DHRSX: variants seen among roughly 807,000 people sequenced by gnomAD.
DHRSX encodes dehydrogenase/reductase X-linked.
Under a neutral mutation model 34.0 loss-of-function variants are expected in DHRSX, and 31 were observed. That is an observed-to-expected ratio of 0.91 (90% CI 0.69 to 1.23). The LOEUF (loss-of-function observed/expected upper bound fraction) is 1.23. Ranked by LOEUF, DHRSX falls within the 50% of genes most tolerant of loss-of-function variation. The pLI is 0.00. For synonymous variants in DHRSX, 201 were observed against 183.8 expected (o/e 1.09, Z -0.76); for missense variants, 414 against 428.1 (o/e 0.97, Z 0.29).
intron 5 of DHRSX, among the ~76,000 whole-genome samples, chrX:2,265,579 C>T (rs1189530327): frequency 7.3e-6 from 1 of 137,360 alleles, no homozygotes; most frequent in East Asian, 2.3e-4. Context: ...GCAGGGAGCA[C>T]TGTCCCCAGA....
chrX:2,396,027 C>T (rs985175031), intron 3 of DHRSX, among the ~76,000 whole-genome samples: 4 of 152,078 alleles, frequency 2.6e-5, no homozygotes, highest in Admixed American at 1.3e-4. Flanking sequence ...ATGCTCCCTC[C>T]GGGGGCTCTC....
In DHRSX at chrX:2,454,488, T is replaced by C. The variant is rs1478652240; in HGVS notation, c.110-29184A>G. Among the ~76,000 whole-genome samples the C allele has an allele frequency of 3.3e-5, 5 of 150,756 alleles. No individual in the cohort carries two copies. The East Asian group carries it at 7.7e-4, about 23-fold the overall frequency. On this transcript the variant is annotated intron_variant, in intron 1 of 6. Transcript: ENST00000334651. ...GCTGCAGTGAGCCGAGATTGAGCTA[T>C]TGCACTCCGGCCTGGGCAACAAGAG...
At chrX:2,307,790 A>T (rs956625534) in intron 3 of DHRSX, among the ~76,000 whole-genome samples, 7 of 134,864 alleles carry the variant, frequency 5.2e-5, no homozygotes, top group Admixed American at 1.4e-4. Context: ...TAATAAAAAT[A>T]AAAAAAATAA....
chrX:2,247,802 G>A (rs2016334058), intron 5 of DHRSX, among the ~76,000 whole-genome samples: 1 of 151,774 alleles, frequency 6.6e-6, no homozygotes, highest in Non-Finnish European at 1.5e-5. Flanking sequence ...AGCAGCATCA[G>A]AAGCAAACCT....
At position 2,247,137 on chromosome X, in the gene DHRSX, C is replaced by T. The variant is rs186094274; in HGVS notation, c.597-3907G>A. ...ATAATTTTTGCATTTTTAGTAGAGA[C>T]GGGGTTTCATCAGGTTAGCCAGGCT... On this transcript the variant is annotated intron_variant, in intron 5 of 6. Coordinates refer to ENST00000334651, the MANE Select transcript of DHRSX (RefSeq NM_145177.3). Among the ~76,000 whole-genome samples, 30 of 152,016 alleles carry T rather than the reference C, an allele frequency of 2.0e-4. No homozygotes were observed. In the East Asian group the frequency reaches 5.3e-3, roughly 27 times the overall value.
intron 1 of DHRSX, among the ~76,000 whole-genome samples, chrX:2,475,117 C>G (rs1165855964): frequency 2.3e-5 from 3 of 130,600 alleles, no homozygotes; most frequent in Non-Finnish European, 4.8e-5. Flanking sequence ...AAGAATGCAA[C>G]CAAGGGACCA....
intron 4 of DHRSX, among the ~76,000 whole-genome samples, chrX:2,269,605 C>T (rs1324612172): frequency 3.3e-5 from 5 of 152,138 alleles, no homozygotes; most frequent in African/African-American, 1.2e-4. Flanking sequence ...GAGGCAGTCT[C>T]GCCTCACTGC....
intron 3 of DHRSX, among the ~76,000 whole-genome samples, chrX:2,339,685 C>T (rs192435059): frequency 9.6e-4 from 146 of 152,148 alleles, no homozygotes; most frequent in African/African-American, 3.4e-3. Flanking sequence ...TAATAGTCTC[C>T]AAAGGACATG....
chrX:2,334,805 A>G (rs2042531823), intron 3 of DHRSX: 1 of 152,162 alleles, frequency 6.6e-6, no homozygotes, highest in African/African-American at 2.4e-5. Context: ...ATCCATCACT[A>G]TTTAATTCTA....
At chrX:2,269,243 G>C (rs2041516598) in intron 4 of DHRSX, among the ~76,000 whole-genome samples, 1 of 151,992 alleles carries the variant, frequency 6.6e-6, no homozygotes, top group South Asian at 2.1e-4. Context: ...ATATATGCTT[G>C]TATTAGTGTG....
At chrX:2,404,740 C>T (rs2043530547) in intron 3 of DHRSX, among the ~76,000 whole-genome samples, 2 of 152,202 alleles carry the variant, frequency 1.3e-5, no homozygotes, top group African/African-American at 4.8e-5. Flanking sequence ...AGAGCTCCCC[C>T]CGCCCCAGAA....
At chrX:2,342,813 T>C (rs2042657264) in intron 3 of DHRSX, among the ~76,000 whole-genome samples, 1 of 152,220 alleles carries the variant, frequency 6.6e-6, no homozygotes, top group South Asian at 2.1e-4. Context: ...GATTGTTTTT[T>C]TCAACTTGCA....
chrX:2,418,687 C>A (rs1015136165), intron 2 of DHRSX, among the ~76,000 whole-genome samples: 2 of 152,154 alleles, frequency 1.3e-5, no homozygotes, highest in Non-Finnish European at 2.9e-5. Flanking sequence ...ATCATTGAAG[C>A]CACTAGGCTC....
At chrX:2,435,463 A>G (rs1282260392) in intron 1 of DHRSX, among the ~76,000 whole-genome samples, 2 of 27,734 alleles carry the variant, frequency 7.2e-5, no homozygotes, top group Admixed American at 4.6e-4. Flanking sequence ...CTTAATTGGA[A>G]AAAAAAAAAA....
chrX:2,287,929 A>G (rs1440249415), intron 4 of DHRSX, among the ~76,000 whole-genome samples: 2 of 152,192 alleles, frequency 1.3e-5, no homozygotes, highest in African/African-American at 4.8e-5. Flanking sequence ...TAATAACTCA[A>G]AAGATGAAAA....
chrX:2,256,696 G>A (rs889076849), intron 5 of DHRSX, among the ~76,000 whole-genome samples: 1 of 151,898 alleles, frequency 6.6e-6, no homozygotes, highest in African/African-American at 2.4e-5. Flanking sequence ...TTACAAGAAC[G>A]CTAATTTTCC....
chrX:2,379,816 G>A (rs977561413), intron 3 of DHRSX, among the ~76,000 whole-genome samples: 18 of 151,756 alleles, frequency 1.2e-4, no homozygotes, highest in African/African-American at 2.2e-4. Flanking sequence ...GGGCTCAGTC[G>A]TAATGGCAAA....
chrX:2,299,645 AGGAG>A, intron 3 of DHRSX, among the ~76,000 whole-genome samples: 1 of 152,246 alleles, frequency 6.6e-6, no homozygotes, highest in South Asian at 2.1e-4. Flanking sequence ...ACCTGAGGTC[AGGAG>A]TTCGAGACCA....
chrX:2,241,959 C>T (rs1342122705), intron 6 of DHRSX, among the ~76,000 whole-genome samples: 4 of 151,968 alleles, frequency 2.6e-5, no homozygotes, highest in Non-Finnish European at 5.9e-5. Context: ...TATCTGTTTT[C>T]GGGCCACTGT....
Sources: allele counts gnomAD v4.1 joint callset (sites outside exome capture counted in the v4.1 genomes callset), GRCh38; gene constraint gnomAD v4.1.1; transcripts MANE v1.5; gene names NCBI Gene and HGNC (gene_info 2026-07-23, HGNC 2026-07-21).